The following XYLT1 variants were observed in gnomAD, a reference collection of about 807,000 sequenced individuals.
XYLT1 encodes the protein xylosyltransferase 1.
In XYLT1, 36 loss-of-function variants were observed where a neutral mutation model predicts 91.3. That is an observed-to-expected ratio of 0.39 (90% CI 0.30 to 0.52). The LOEUF is 0.52. Among genes scored for constraint, XYLT1 ranks in the 20% least tolerant of loss-of-function variants. The probability of loss-of-function intolerance (pLI) is 0.68; values close to 1 mark genes in which losing one functional copy is unlikely to be tolerated. For missense variants in XYLT1, 1,242 were observed against 1,284.5 expected (o/e 0.97, Z 0.51); for synonymous variants, 588 against 532.0 (o/e 1.11, Z -1.45).
At chr16:17,422,486 A>G (rs2036262023) in intron 1 of XYLT1, among the ~76,000 whole-genome samples, 1 of 151,566 alleles carries the variant, frequency 6.6e-6, no homozygotes, top group Admixed American at 6.6e-5. Context: ...GGTATGCACC[A>G]CTGTGCCTGG....
intron 11 of XYLT1, 45 bp downstream of exon 11, chr16:17,117,592 TCAAGGTCCC>T: frequency 6.4e-7 from 1 of 1,561,598 alleles, no homozygotes; most frequent in Non-Finnish European, 8.7e-7. Flanking sequence ...CCAAAGACCC[TCAAGGTCCC>T]CAGGGAAGGA....
intron 1 of XYLT1, among the ~76,000 whole-genome samples, chr16:17,406,548 G>A (rs1194742194): frequency 1.3e-5 from 2 of 152,228 alleles, no homozygotes; most frequent in Admixed American, 6.5e-5. Context: ...TTGGGAAAGA[G>A]AGCGGAGAAG....
intron 1 of XYLT1, among the ~76,000 whole-genome samples, chr16:17,447,911 T>C (rs1051776992): frequency 5.9e-5 from 9 of 152,342 alleles, no homozygotes; most frequent in Non-Finnish European, 1.3e-4. Context: ...GTGGACATTG[T>C]GGCCTCTGTG....
At chr16:17,428,639 C>T (rs1231188433) in intron 1 of XYLT1, among the ~76,000 whole-genome samples, 1 of 152,200 alleles carries the variant, frequency 6.6e-6, no homozygotes, top group East Asian at 1.9e-4. Context: ...TGTGTCTGAG[C>T]TTTTGAGACA....
intron 2 of XYLT1, among the ~76,000 whole-genome samples, chr16:17,280,242 C>A (rs936135436): frequency 2.6e-5 from 4 of 152,088 alleles, no homozygotes; most frequent in Non-Finnish European, 5.9e-5. Context: ...CCCAGATACT[C>A]GGGAGGCTGA....
At chr16:17,335,129 G>A (rs1022146199) in intron 2 of XYLT1, among the ~76,000 whole-genome samples, 79 of 151,352 alleles carry the variant, frequency 5.2e-4, no homozygotes, top group African/African-American at 1.8e-3. Flanking sequence ...GGAGGCTGAG[G>A]CACAAGACTC....
chr16:17,304,136 T>C lies in XYLT1; in HGVS notation c.403-44638A>G, dbSNP rs138814214. ...GTAAGAAGGCAGTAACACCTTAAAG[T>C]CTGTCAGTTGGTAATAACCATCGTG... On this transcript the variant is annotated intron_variant, in intron 2 of 11. Coordinates refer to ENST00000261381, the MANE Select transcript of XYLT1 (RefSeq NM_022166.4). Among the ~76,000 whole-genome samples the C allele has an allele frequency of 4.9e-3, 741 of 152,166 alleles. 8 individuals are homozygous for C. Among genetic ancestry groups the C allele is most frequent in the African/African-American group, 0.016 (660 of 41,504 alleles).
chr16:17,215,381 G>A (rs1172740219), intron 3 of XYLT1, among the ~76,000 whole-genome samples: 1 of 152,082 alleles, frequency 6.6e-6, no homozygotes, highest in African/African-American at 2.4e-5. Context: ...AGTCCTAAGG[G>A]TGGAGCCTTG....
At chr16:17,132,768 T>TGGTACATGCCTATAGTCTCA in intron 9 of XYLT1, among the ~76,000 whole-genome samples, 1 of 152,116 alleles carries the variant, frequency 6.6e-6, no homozygotes, top group Admixed American at 6.5e-5. Flanking sequence ...CTGGGTGTGC[T>TGGTACATGCCTATAGTCTCA]GGTACATGCC....
At chr16:17,258,098 A>C (rs1231019548) in intron 3 of XYLT1, among the ~76,000 whole-genome samples, 1 of 152,038 alleles carries the variant, frequency 6.6e-6, no homozygotes, top group East Asian at 1.9e-4. Flanking sequence ...TCCGCACATA[A>C]AAGAGTGCCA....
In XYLT1 at chr16:17,147,894, C is replaced by T. The variant is rs192266558; in HGVS notation, c.1371-6525G>A. On this transcript the variant is annotated intron_variant, in intron 6 of 11. Coordinates refer to ENST00000261381, the MANE Select transcript of XYLT1 (RefSeq NM_022166.4). ...GGGCGCATGGCTCTCTCACCTGAGGCGTGAAGCACAGATCTGTAGCAATAA... is the reference window on the plus strand; with the variant it reads ...GGGCGCATGGCTCTCTCACCTGAGGTGTGAAGCACAGATCTGTAGCAATAA... Among the ~76,000 whole-genome samples the T allele has an allele frequency of 1.5e-4, 23 of 152,234 alleles. No homozygotes were observed. In the South Asian group the frequency reaches 4.6e-3, roughly 30 times the overall value.
rs115293929 is a variant in XYLT1, at chr16:17,130,904, C to T, written c.2028-3043G>A. 4.9e-3 allele frequency among the ~76,000 whole-genome samples: 750 copies of T among 152,302 alleles called. 7 individuals carry two copies. The highest frequency in any genetic ancestry group is 0.016 in the African/African-American group (684 of 41,558). On this transcript the variant is annotated intron_variant, in intron 9 of 11. Coordinates refer to ENST00000261381, the MANE Select transcript of XYLT1 (RefSeq NM_022166.4). Reference sequence around the variant, plus strand: ...CTAGCCCCCTTTTGTTTCCTGCTACCCTAATCCACCACTTCCTTCCTCATT... The same window carrying T: ...CTAGCCCCCTTTTGTTTCCTGCTACTCTAATCCACCACTTCCTTCCTCATT...
At chr16:17,357,890 C>T in intron 2 of XYLT1, 122 bp downstream of exon 2, 1 of 1,014,674 alleles carries the variant, frequency 9.9e-7, no homozygotes, top group Non-Finnish European at 1.5e-6. Flanking sequence ...GGCACACACA[C>T]ATCCAAATGG....
intron 10 of XYLT1, among the ~76,000 whole-genome samples, chr16:17,126,047 G>A (rs1386847616): frequency 6.6e-6 from 1 of 152,216 alleles, no homozygotes; most frequent in Non-Finnish European, 1.5e-5. Flanking sequence ...GAGTGGTCCT[G>A]TAGTTCTTCC....
At chr16:17,225,559 C>T (rs900919722) in intron 3 of XYLT1, among the ~76,000 whole-genome samples, 5 of 151,662 alleles carry the variant, frequency 3.3e-5, no homozygotes, top group African/African-American at 4.8e-5. Flanking sequence ...CTGCGAGCTG[C>T]TTGAAGCGTT....
chr16:17,442,895 C>T (rs1337746496), intron 1 of XYLT1, among the ~76,000 whole-genome samples: 2 of 152,088 alleles, frequency 1.3e-5, no homozygotes, highest in Non-Finnish European at 2.9e-5. Flanking sequence ...GGATTTTCTT[C>T]TTCACATATT....
chr16:17,241,649 C>T (rs142787885), intron 3 of XYLT1, among the ~76,000 whole-genome samples: 54 of 152,312 alleles, frequency 3.5e-4, no homozygotes, highest in African/African-American at 1.1e-3. Flanking sequence ...GCAGCATTGA[C>T]GTTGGAACTG....
intron 5 of XYLT1, among the ~76,000 whole-genome samples, chr16:17,196,716 T>C (rs914553352): frequency 2.0e-5 from 3 of 152,136 alleles, no homozygotes; most frequent in Non-Finnish European, 2.9e-5. Context: ...ACTTTCCTTT[T>C]CACCCTTGTC....
intron 1 of XYLT1, among the ~76,000 whole-genome samples, chr16:17,360,133 A>C (rs2035361798): frequency 6.6e-6 from 1 of 152,170 alleles, no homozygotes; most frequent in African/African-American, 2.4e-5. Context: ...ATTAGCCTCA[A>C]TCTCCAAGCC....
Sources: gnomAD v4.1 joint callset for allele counts (sites outside exome capture counted in the v4.1 genomes callset) on GRCh38, gnomAD v4.1.1 for gene constraint, MANE v1.5 for transcripts, NCBI Gene and HGNC (gene_info 2026-07-23, HGNC 2026-07-21) for gene names.